Variants in CAPN3 observed in about 807,000 individuals in gnomAD.
CAPN3 encodes the protein calpain 3.
CAPN3 carries 88 observed loss-of-function variants against 114.0 expected under a neutral mutation model. The observed-to-expected ratio is 0.77, with a 90% CI of 0.65 to 0.92. The LOEUF is 0.92. Among genes scored for constraint, CAPN3 ranks in the 40% least tolerant of loss-of-function variants. The probability of loss-of-function intolerance (pLI) is 0.00; values close to 1 mark genes in which losing one functional copy is unlikely to be tolerated. For synonymous variants in CAPN3, 386 were observed against 382.9 expected (o/e 1.01, Z -0.09); for missense variants, 1,028 against 1,069.0 (o/e 0.96, Z 0.53).
chr15:42,411,664 T>G, intron 23 of CAPN3, 83 bp from the exon 24 acceptor site: 1 of 636,580 alleles, frequency 1.6e-6, no homozygotes, highest in Non-Finnish European at 2.7e-6. Context: ...TTCCCTTTCC[T>G]CTTGCCCCGT....
In CAPN3 at chr15:42,372,981, G is replaced by A. The variant is rs532244770; in HGVS notation, c.310-11502G>A. ...AAACGGGCAGATCACCTGAGGTCAG[G>A]AGTTCAAGACCAGCCTAGCCAATAT... On this transcript the variant is annotated intron_variant, in intron 1 of 23. Coordinates refer to ENST00000397163, the MANE Select transcript of CAPN3 (RefSeq NM_000070.3). Among the ~76,000 whole-genome samples, 6 of 152,096 alleles carry A rather than the reference G, an allele frequency of 3.9e-5. No homozygotes were observed. The South Asian group carries it at 8.3e-4, about 21-fold the overall frequency.
Position 42,396,757 on chromosome 15 carries a change from T to A in CAPN3, c.1116-43T>A, listed in dbSNP as rs370871737. The A allele has an allele frequency of 1.8e-5, 27 of 1,494,708 alleles. No individual in the cohort carries two copies. In the African/African-American group the frequency reaches 2.8e-4, roughly 15 times the overall value. The allele number at this position is 1,494,708 out of a possible 1,614,324, so 92.6% of individuals were successfully genotyped here. A position where few individuals can be genotyped will look rare whatever the true frequency, so the allele number is the denominator to read the frequency against. ...CTCCTGTCCCAACCTACATCAGGCC[T>A]TCCCTTCTTCCTGCTTCCTTAATTC... On this transcript the variant is annotated intron_variant, in intron 8 of 23. Coordinates refer to ENST00000397163, the MANE Select transcript of CAPN3 (RefSeq NM_000070.3).
At chr15:42,410,751 C>A in intron 21 of CAPN3, 85 bp downstream of exon 21, 1 of 1,367,428 alleles carries the variant, frequency 7.3e-7, no homozygotes, top group Non-Finnish European at 1.0e-6. Context: ...TAGGGCCCCA[C>A]TAGAGAAAGG....
At chr15:42,387,614 G>T in intron 3 of CAPN3, 139 bp from the exon 4 acceptor site, 1 of 1,078,052 alleles carries the variant, frequency 9.3e-7, no homozygotes, top group Non-Finnish European at 1.4e-6. Flanking sequence ...CACAAAATAG[G>T]ATGAACAGGC....
chr15:42,359,724 C>G lies in CAPN3; in HGVS notation c.-82C>G, dbSNP rs962169912. ...TCAGATGACAGAATTACTCCAACTT[C>G]CCCTTTGCAGTTGCTTCCTTTCCTT... On this transcript the variant is annotated 5_prime_UTR_variant, in exon 1 of 24. Transcript: ENST00000397163. 35 of 1,602,716 alleles carry G rather than the reference C, an allele frequency of 2.2e-5. No homozygotes were observed. The African/African-American group carries it at 4.7e-4, about 22-fold the overall frequency.
At chr15:42,404,124 A>G (rs1438688921) in intron 14 of CAPN3, 1 of 480,170 alleles carries the variant, frequency 2.1e-6, no homozygotes, top group South Asian at 1.5e-5. Flanking sequence ...GATTTCACAC[A>G]TAGAGAAAAG....
In CAPN3 at chr15:42,359,707, C is replaced by T; in HGVS notation, c.-99C>T. On this transcript the variant is annotated 5_prime_UTR_variant, in exon 1 of 24. Transcript: ENST00000397163. The stretch of plus-strand genomic sequence containing the variant: ...ATGTGGACACTTTTCTCTCAGATGA[C>T]AGAATTACTCCAACTTCCCCTTTGC... 1 of 1,590,246 alleles carries T rather than the reference C, an allele frequency of 6.3e-7. No individual in the cohort carries two copies. Among genetic ancestry groups the T allele is most frequent in the Non-Finnish European group, 8.5e-7 (1 of 1,170,616 alleles).
chr15:42,399,322 C>T (rs2053797881), intron 9 of CAPN3, among the ~76,000 whole-genome samples, 170 bp from the exon 10 acceptor site: 1 of 152,142 alleles, frequency 6.6e-6, no homozygotes, highest in Admixed American at 6.5e-5. Flanking sequence ...GGAGTAGATA[C>T]ATCAGAAGTG....
chr15:42,385,425 C>G (rs1354556729), intron 2 of CAPN3, among the ~76,000 whole-genome samples: 1 of 152,090 alleles, frequency 6.6e-6, no homozygotes, highest in East Asian at 1.9e-4. Context: ...GCAGGCAGCT[C>G]TCAGTCTCCC....
At position 42,410,040 on chromosome 15, in the gene CAPN3, C is replaced by G. The variant is rs79496127; in HGVS notation, c.2115+45C>G. Reference sequence around the variant, plus strand: ...TTCCCGACCCTCTGTCATCAGCCCACGGGGGCCAAGGCAACATACAGGGTG... The same window carrying G: ...TTCCCGACCCTCTGTCATCAGCCCAGGGGGGCCAAGGCAACATACAGGGTG... On this transcript the variant is annotated intron_variant, in intron 19 of 23. Transcript: ENST00000397163. 3 of 1,580,202 alleles carry G rather than the reference C, an allele frequency of 1.9e-6. No homozygotes were observed. In the Admixed American group the frequency reaches 5.0e-5, roughly 26 times the overall value.
chr15:42,386,183 C>G lies in CAPN3; in HGVS notation c.396C>G (p.Leu132=). The change falls in exon 3 of 24, where the codon CTC becomes CTG. Residue 132 remains leucine (L), a synonymous_variant. Coordinates refer to ENST00000397163, the MANE Select transcript of CAPN3 (RefSeq NM_000070.3). ...CQGELGDCWF[L]AAIACLTLNQ... is the part of the protein sequence containing the mutation. ...TGCCTGCAGGGGACTGCTGGTTTCTCGCAGCCATTGCCTGCCTGACCCTGA... is the reference window on the plus strand; with the variant it reads ...TGCCTGCAGGGGACTGCTGGTTTCTGGCAGCCATTGCCTGCCTGACCCTGA... 1 of 1,613,134 alleles carries G rather than the reference C, an allele frequency of 6.2e-7. No individual in the cohort carries two copies. The highest frequency in any genetic ancestry group is 8.5e-7 in the Non-Finnish European group (1 of 1,179,126).
At position 42,360,037 on chromosome 15, in the gene CAPN3, C is replaced by A. The variant is rs138867099; in HGVS notation, c.232C>A (p.Pro78Thr). The change falls in exon 1 of 24, where the codon CCT (proline) becomes ACT (threonine). Residue 78 changes from proline (P) to threonine (T), a missense_variant. Pro to Thr is a conservative substitution (Grantham distance 38). Coordinates refer to ENST00000397163, the MANE Select transcript of CAPN3 (RefSeq NM_000070.3). ...AGAAAAGAAAGTTCTTTATGTGGAC[C>A]CTGAGTTCCCACCGGATGAGACCTC... ...CLEKKVLYVD[P>T]EFPPDETSLF... The A allele has an allele frequency of 2.4e-4, 380 of 1,614,190 alleles. No individual in the cohort carries two copies. Among genetic ancestry groups the A allele is most frequent in the Middle Eastern group, 2.1e-3 (13 of 6,062 alleles).
chr15:42,360,143 T>G (rs1566966137), intron 1 of CAPN3, 29 bp downstream of exon 1: 2 of 1,613,502 alleles, frequency 1.2e-6, no homozygotes, highest in South Asian at 2.2e-5. Context: ...GCTGGCTGGG[T>G]TTTCCCCCCA....
At chr15:42,410,855 G>C in intron 21 of CAPN3, 29 bp from the exon 22 acceptor site, 3 of 1,570,546 alleles carry the variant, frequency 1.9e-6, no homozygotes, top group South Asian at 1.1e-5. Flanking sequence ...CCAGCTCCAC[G>C]TCCACCTCTA....
At chr15:42,371,340 T>C (rs145976986) in intron 1 of CAPN3, among the ~76,000 whole-genome samples, 1 of 152,300 alleles carries the variant, frequency 6.6e-6, no homozygotes, top group African/African-American at 2.4e-5. Flanking sequence ...GTAGACATCA[T>C]GGTGAACAAA....
intron 5 of CAPN3, among the ~76,000 whole-genome samples, chr15:42,389,598 G>A (rs561361015): frequency 2.1e-4 from 32 of 152,296 alleles, no homozygotes; most frequent in Non-Finnish European, 3.2e-4. Flanking sequence ...GGAGATGGCC[G>A]CCCATGGCCA....
chr15:42,405,303 A>AT (rs757322991), intron 14 of CAPN3, among the ~76,000 whole-genome samples: 10 of 152,110 alleles, frequency 6.6e-5, no homozygotes, highest in Admixed American at 3.9e-4. Flanking sequence ...TCATTTTTTT[A>AT]TTATTTATTT....
intron 14 of CAPN3, chr15:42,404,695 C>A: frequency 1.7e-6 from 2 of 1,180,950 alleles, no homozygotes; most frequent in Non-Finnish European, 2.1e-6. Flanking sequence ...AGCTGACAGT[C>A]CTTTGTGCTC....
rs1254325037 is a variant in CAPN3, at chr15:42,409,927, C to T, written c.2051-4C>T. On this transcript the variant is annotated splice_region_variant and splice_polypyrimidine_tract_variant and intron_variant, in intron 18 of 23. Transcript: ENST00000397163. ...CAGCTCCTCACTCTTCTCCATCCCCCCAGACAAGGACCTGAAGACACACGG... is the reference window on the plus strand; with the variant it reads ...CAGCTCCTCACTCTTCTCCATCCCCTCAGACAAGGACCTGAAGACACACGG... The T allele has an allele frequency of 1.2e-6, 2 of 1,612,648 alleles. No homozygotes were observed. The highest frequency in any genetic ancestry group is 4.5e-5 in the East Asian group (2 of 44,866).
Sources: gnomAD v4.1 joint callset for allele counts (sites outside exome capture counted in the v4.1 genomes callset) on GRCh38, gnomAD v4.1.1 for gene constraint, MANE v1.5 for transcripts, NCBI Gene and HGNC (gene_info 2026-07-23, HGNC 2026-07-21) for gene names.